The following OGG1 variants were observed in gnomAD, a reference collection of about 807,000 sequenced individuals.
OGG1 encodes the protein 8-oxoguanine DNA glycosylase, also known as N-glycosylase/DNA lyase.
In OGG1, 35 loss-of-function variants were observed where a neutral mutation model predicts 42.3. The observed-to-expected ratio is 0.83, with a 90% CI of 0.63 to 1.10. The LOEUF is 1.10. OGG1 is among the 50% of genes least tolerant of loss of function. The pLI is 0.00. For missense variants in OGG1, 484 were observed against 446.7 expected (o/e 1.08, Z -0.75); for synonymous variants, 189 against 179.0 (o/e 1.06, Z -0.44).
Position 9,750,230 on chromosome 3 carries a change from C to T in OGG1, c.-57C>T. On this transcript the variant is annotated 5_prime_UTR_variant, in exon 1 of 7. Transcript: ENST00000344629. ...TTGTCTGGGCGGGGTCTTTGGGCGT[C>T]GACGAGGCCTGGTTCTGGGTAGGCG... is the stretch of plus-strand genomic sequence containing the variant. 1 of 1,569,334 alleles carries T rather than the reference C, an allele frequency of 6.4e-7. No individual in the cohort carries two copies. Among genetic ancestry groups the T allele is most frequent in the Non-Finnish European group, 8.6e-7 (1 of 1,159,288 alleles).
chr3:9,759,137 G>A (rs1403553795), downstream of OGG1: 1 of 1,432,766 alleles, frequency 7.0e-7, no homozygotes, highest in Non-Finnish European at 9.8e-7. Context: ...TCCCGGAATG[G>A]CTATAGACAT....
At chr3:9,777,016 T>C (rs1438747592) in intron 2 of OGG1, among the ~76,000 whole-genome samples, 1 of 152,212 alleles carries the variant, frequency 6.6e-6, no homozygotes, top group African/African-American at 2.4e-5. Flanking sequence ...ACAAAGCTCC[T>C]GCCATCACTT....
intron 2 of OGG1, among the ~76,000 whole-genome samples, chr3:9,781,166 C>CTGGGCAAAGTAGCTCA (rs2078452176): frequency 6.6e-6 from 1 of 151,956 alleles, no homozygotes; most frequent in Non-Finnish European, 1.5e-5. Flanking sequence ...ACACAGTAGG[C>CTGGGCAAAGTAGCTCA]TGGGCAAAGT....
chr3:9,754,116 G>A (rs147567767), intron 3 of OGG1, among the ~76,000 whole-genome samples: 3,964 of 152,274 alleles, frequency 0.026, 171 homozygotes, highest in African/African-American at 0.09. Flanking sequence ...TTCCAGCCTG[G>A]GTGACAGAGC....
intron 2 of OGG1, chr3:9,781,406 G>A (rs894410735): frequency 2.3e-5 from 10 of 428,538 alleles, no homozygotes; most frequent in African/African-American, 8.1e-5. Flanking sequence ...TATGTTACCC[G>A]TGAGGAAAAT....
chr3:9,750,093 G>A lies in OGG1; in HGVS notation c.-194G>A, dbSNP rs2077223931. On this transcript the variant is annotated 5_prime_UTR_variant, in exon 1 of 7. Transcript: ENST00000344629. Reference sequence around the variant, plus strand: ...AAGCCGGAGAATTGGGGCACGAAGCGGGGCTTTGATGACCCGCAAAGGGCG... The same window carrying A: ...AAGCCGGAGAATTGGGGCACGAAGCAGGGCTTTGATGACCCGCAAAGGGCG... 1.4e-6 allele frequency: 1 copy of A among 690,570 alleles called. No homozygotes were observed. 42.8% of individuals were successfully genotyped at this position (690,570 alleles called of 1,614,324 possible).
chr3:9,789,605 A>G (rs1177412823), downstream of OGG1: 5 of 1,613,904 alleles, frequency 3.1e-6, no homozygotes, highest in African/African-American at 6.7e-5. Context: ...GCTCCACTGA[A>G]GCCCAGAACC....
At chr3:9,766,268 A>AT in exon 8 of OGG1, 1 of 704,642 alleles carries the variant, frequency 1.4e-6, no homozygotes, top group Non-Finnish European at 2.6e-6. Flanking sequence ...ATGGCCAAAT[A>AT]TATTTCCTGA....
downstream of OGG1, among the ~76,000 whole-genome samples, chr3:9,771,512 A>G (rs2078298378): frequency 6.6e-6 from 1 of 152,238 alleles, no homozygotes; most frequent in African/African-American, 2.4e-5. Context: ...TGAAGTGCCT[A>G]GAACACTATT....
At chr3:9,781,255 G>A (rs561900022) in intron 2 of OGG1, among the ~76,000 whole-genome samples, 1 of 151,888 alleles carries the variant, frequency 6.6e-6, no homozygotes, top group Non-Finnish European at 1.5e-5. Flanking sequence ...GACCAACCTC[G>A]GCAACAGAGT....
chr3:9,761,877 T>C (rs1356170926), downstream of OGG1: 14 of 1,435,394 alleles, frequency 9.8e-6, no homozygotes, highest in South Asian at 1.4e-5. Context: ...TGTGGCTTCA[T>C]GGCTGTCATA....
downstream of OGG1, chr3:9,759,707 T>C: frequency 6.2e-7 from 1 of 1,614,146 alleles, no homozygotes; most frequent in Non-Finnish European, 8.5e-7. Context: ...AGGTGAATCT[T>C]TTCTCTGGGT....
intron 7 of OGG1, among the ~76,000 whole-genome samples, chr3:9,764,563 C>T (rs1000523584): frequency 2.0e-5 from 3 of 150,772 alleles, no homozygotes; most frequent in Non-Finnish European, 4.4e-5. Context: ...CTGCCCACTT[C>T]AGCCTCTCAA....
At chr3:9,762,534 G>A (rs62245634) in intron 7 of OGG1, among the ~76,000 whole-genome samples, 3 of 152,054 alleles carry the variant, frequency 2.0e-5, no homozygotes, top group South Asian at 2.1e-4. Context: ...CTGCCACCAC[G>A]CCGGGCTAAT....
chr3:9,754,705 G>T lies in OGG1; in HGVS notation c.567G>T (p.Gly189=). The T allele has an allele frequency of 1.2e-6, 2 of 1,614,072 alleles. No homozygotes were observed. Among genetic ancestry groups the T allele is most frequent in the Non-Finnish European group, 1.7e-6 (2 of 1,179,996 alleles). The stretch of plus-strand genomic sequence containing the variant: ...TGCCCTCCTCCTCACTCCCCGCAGG[G>T]CCAGAGGTGGAGGCTCATCTCAGGA... ...HGFPSLQALA[G]PEVEAHLRKL... is the part of the protein sequence containing the mutation. The change falls in exon 4 of 7, where the codon GGG becomes GGT. Residue 189 remains glycine, a splice_region_variant and synonymous_variant. Transcript: ENST00000344629.
chr3:9,776,482 C>T (rs1211920097), intron 2 of OGG1, among the ~76,000 whole-genome samples: 4 of 150,984 alleles, frequency 2.6e-5, no homozygotes, highest in Admixed American at 6.6e-5. Flanking sequence ...CTCCGCCTCC[C>T]GGGTTCACGC....
chr3:9,787,345 G>A (rs778382997), intron 3 of OGG1: 1 of 1,604,276 alleles, frequency 6.2e-7, no homozygotes, highest in South Asian at 1.1e-5. Context: ...TGGGATCTGT[G>A]GAAAAGATGG....
At chr3:9,770,157 C>A (rs2078270991), downstream of OGG1, among the ~76,000 whole-genome samples, 1 of 152,222 alleles carries the variant, frequency 6.6e-6, no homozygotes, top group South Asian at 2.1e-4. Context: ...GGGTCCATTT[C>A]ACAGAGGGGA....
chr3:9,778,820 C>T (rs1336762798), intron 2 of OGG1, among the ~76,000 whole-genome samples: 1 of 152,126 alleles, frequency 6.6e-6, no homozygotes, highest in African/African-American at 2.4e-5. Flanking sequence ...CCTAGTTTGG[C>T]AGTTGGACAA....
Sources: gnomAD v4.1 joint callset for allele counts (sites outside exome capture counted in the v4.1 genomes callset) on GRCh38, gnomAD v4.1.1 for gene constraint, MANE v1.5 for transcripts, NCBI Gene and HGNC (gene_info 2026-07-23, HGNC 2026-07-21) for gene names.